The following ERBB4 variants were observed in gnomAD, a reference collection of about 807,000 sequenced individuals.
The protein encoded by ERBB4 is receptor tyrosine-protein kinase erbB-4.
Under a neutral mutation model 158.0 loss-of-function variants are expected in ERBB4, and 42 were observed. The ratio of observed to expected loss-of-function variants is 0.27; its 90% confidence interval spans 0.21 to 0.34. ERBB4 has a LOEUF of 0.34. Among genes scored for constraint, ERBB4 ranks in the 10% least tolerant of loss-of-function variants. The probability of loss-of-function intolerance (pLI) is 1.00; values close to 1 mark genes in which losing one functional copy is unlikely to be tolerated. For missense variants in ERBB4, 1,333 were observed against 1,624.1 expected (o/e 0.82, Z 3.08); for synonymous variants, 583 against 558.7 (o/e 1.04, Z -0.61).
At chr2:211,973,329 G>C (rs2081509880) in intron 2 of ERBB4, among the ~76,000 whole-genome samples, 1 of 151,854 alleles carries the variant, frequency 6.6e-6, no homozygotes, top group Admixed American at 6.6e-5. Flanking sequence ...AGCCTCCCGA[G>C]TAGCTGGGAC....
At chr2:212,294,051 T>C (rs984465232) in intron 1 of ERBB4, among the ~76,000 whole-genome samples, 5 of 151,882 alleles carry the variant, frequency 3.3e-5, no homozygotes, top group Non-Finnish European at 7.4e-5. Context: ...CAGTATTAAA[T>C]TTACCAAGTA....
intron 1 of ERBB4, among the ~76,000 whole-genome samples, chr2:212,430,644 G>A (rs564940791): frequency 5.3e-5 from 8 of 152,052 alleles, no homozygotes; most frequent in Non-Finnish European, 1.0e-4. Context: ...GTTTCACCAT[G>A]TTGGCCAGGC....
At chr2:211,675,810 A>ATATATATATATATATAT (rs61556310) in intron 13 of ERBB4, among the ~76,000 whole-genome samples, 11 of 143,542 alleles carry the variant, frequency 7.7e-5, no homozygotes, top group Non-Finnish European at 1.4e-4. Flanking sequence ...ATATATATAT[A>ATATATATATATATATAT]ACAAATAGGC....
At chr2:211,801,783 G>A (rs1332419373) in intron 3 of ERBB4, among the ~76,000 whole-genome samples, 3 of 152,120 alleles carry the variant, frequency 2.0e-5, no homozygotes, top group Admixed American at 1.3e-4. Flanking sequence ...ATAATACAAA[G>A]AGTATCTTGT....
chr2:212,431,698 C>T (rs1243891189), intron 1 of ERBB4, among the ~76,000 whole-genome samples: 1 of 152,160 alleles, frequency 6.6e-6, no homozygotes, highest in African/African-American at 2.4e-5. Flanking sequence ...ATGACCCTTG[C>T]ATTTTCTTAT....
chr2:211,499,059 G>T (rs1348708813), intron 20 of ERBB4, among the ~76,000 whole-genome samples: 1 of 152,148 alleles, frequency 6.6e-6, no homozygotes, highest in Non-Finnish European at 1.5e-5. Context: ...CTAGTGCTGA[G>T]TAAGCATGCA....
At chr2:212,357,807 A>C (rs2089521409) in intron 1 of ERBB4, among the ~76,000 whole-genome samples, 1 of 151,950 alleles carries the variant, frequency 6.6e-6, no homozygotes, top group Non-Finnish European at 1.5e-5. Flanking sequence ...GCAAGAATAT[A>C]GTAGGTAAAC....
intron 20 of ERBB4, among the ~76,000 whole-genome samples, chr2:211,461,210 A>G (rs1236982451): frequency 6.2e-4 from 94 of 152,280 alleles, no homozygotes; most frequent in Non-Finnish European, 8.8e-5. Context: ...TTTTTAAATT[A>G]TTGTAAGATA....
chr2:212,164,432 T>A (rs2081289384), intron 1 of ERBB4, among the ~76,000 whole-genome samples: 1 of 152,026 alleles, frequency 6.6e-6, no homozygotes, highest in Non-Finnish European at 1.5e-5. Flanking sequence ...AAATTAGATT[T>A]GTGGCCTTCA....
intron 4 of ERBB4, among the ~76,000 whole-genome samples, chr2:211,770,935 G>A (rs2075676136): frequency 6.6e-6 from 1 of 152,186 alleles, no homozygotes; most frequent in African/African-American, 2.4e-5. Flanking sequence ...TATTCTCTAA[G>A]AGGGGACTCG....
In ERBB4 at chr2:211,383,482, G is replaced by A; in HGVS notation, c.*133C>T. 2.8e-6 allele frequency: 2 copies of A among 720,532 alleles called. No individual in the cohort carries two copies. Among genetic ancestry groups the A allele is most frequent in the Non-Finnish European group, 4.9e-6 (2 of 406,666 alleles). 44.6% of individuals were successfully genotyped at this position (720,532 alleles called of 1,614,324 possible). A position where few individuals can be genotyped will look rare whatever the true frequency, so the allele number is the denominator to read the frequency against. On this transcript the variant is annotated 3_prime_UTR_variant, in exon 28 of 28. Coordinates refer to ENST00000342788, the MANE Select transcript of ERBB4 (RefSeq NM_005235.3). The stretch of plus-strand genomic sequence containing the variant: ...GTTAGGTAAGCACATAACTATCATT[G>A]CATCTCTGTATCTTCCACTGGGAAG...
intron 4 of ERBB4, among the ~76,000 whole-genome samples, chr2:211,786,153 C>A (rs1277598409): frequency 3.3e-5 from 5 of 152,014 alleles, no homozygotes; most frequent in African/African-American, 1.2e-4. Context: ...ATAATAATGA[C>A]CCCCCAAATT....
intron 20 of ERBB4, among the ~76,000 whole-genome samples, chr2:211,548,204 A>G (rs188334796): frequency 1.3e-5 from 2 of 152,198 alleles, no homozygotes; most frequent in African/African-American, 4.8e-5. Context: ...AATAAAAAGC[A>G]TAAAATTGTT....
intron 2 of ERBB4, among the ~76,000 whole-genome samples, chr2:212,049,206 G>A (rs2077336186): frequency 6.6e-6 from 1 of 152,154 alleles, no homozygotes; most frequent in East Asian, 1.9e-4. Context: ...GCTAACAACT[G>A]TAATTATAAT....
At chr2:211,388,081 A>G (rs1272197939) in intron 25 of ERBB4, 89 bp from the exon 26 acceptor site, 8 of 1,013,676 alleles carry the variant, frequency 7.9e-6, no homozygotes, top group South Asian at 1.3e-5. Context: ...GAAAAGCCAC[A>G]TGGGTCGTAT....
chr2:212,087,349 A>G (rs2078646950), intron 2 of ERBB4, among the ~76,000 whole-genome samples: 1 of 152,112 alleles, frequency 6.6e-6, no homozygotes, highest in South Asian at 2.1e-4. Context: ...GACTATCTGT[A>G]TGTATAAATT....
chr2:211,653,055 T>C (rs2071061130), intron 16 of ERBB4, among the ~76,000 whole-genome samples: 1 of 152,144 alleles, frequency 6.6e-6, no homozygotes, highest in Admixed American at 6.5e-5. Context: ...AGAATCTATA[T>C]GAAAATAGCA....
intron 2 of ERBB4, among the ~76,000 whole-genome samples, chr2:211,998,529 C>CAA (rs36008694): frequency 3.4e-5 from 4 of 116,288 alleles, no homozygotes; most frequent in African/African-American, 9.7e-5. Context: ...CTCATACTGC[C>CAA]AAAAAAAAAA....
intron 20 of ERBB4, among the ~76,000 whole-genome samples, chr2:211,494,595 T>C (rs1044880503): frequency 2.6e-5 from 4 of 152,158 alleles, no homozygotes; most frequent in Admixed American, 2.6e-4. Context: ...GAGGAATCTC[T>C]ACATGATAAA....
Sources: allele counts gnomAD v4.1 joint callset (sites outside exome capture counted in the v4.1 genomes callset), GRCh38; gene constraint gnomAD v4.1.1; transcripts MANE v1.5; gene names NCBI Gene and HGNC (gene_info 2026-07-23, HGNC 2026-07-21).